The following COL4A3 variants were observed in gnomAD, a reference collection of about 807,000 sequenced individuals.
The protein encoded by COL4A3 is collagen alpha-3(IV) chain.
In COL4A3, 135 loss-of-function variants were observed where a neutral mutation model predicts 217.4. The ratio of observed to expected loss-of-function variants is 0.62; its 90% CI spans 0.54 to 0.72. The LOEUF (loss-of-function observed/expected upper bound fraction) is 0.72, where lower values mean the gene tolerates loss of function less well. COL4A3 is among the 30% of genes least tolerant of loss of function. The probability of loss-of-function intolerance (pLI) is 0.00; values close to 1 mark genes in which losing one functional copy is unlikely to be tolerated. For synonymous variants in COL4A3, 690 were observed against 736.3 expected (o/e 0.94, Z 1.02); for missense variants, 1,868 against 2,119.9 (o/e 0.88, Z 2.33).
Position 227,273,085 on chromosome 2 carries a change from T to C in COL4A3, c.1895T>C (p.Val632Ala), listed in dbSNP as rs762656208. ...GEPGLQGTQGVPGAPGPPGEA... is the reference protein window; with the variant it reads ...GEPGLQGTQGAPGAPGPPGEA... ...CCTGGTCTCCAGGGCACGCAAGGAG[T>C]TCCTGGAGCCCCCGGACCACCCGGA... is the stretch of plus-strand genomic sequence containing the variant. The change falls in exon 26 of 52, where the codon GTT (valine) becomes GCT (alanine). Residue 632 changes from valine to alanine, a missense_variant. Val to Ala is a moderately conservative substitution (Grantham distance 64). Transcript: ENST00000396578. The C allele has an allele frequency of 6.2e-7, 1 of 1,613,572 alleles. No individual in the cohort carries two copies. The highest frequency in any genetic ancestry group is 1.3e-5 in the African/African-American group (1 of 74,784).
intron 40 of COL4A3, 70 bp downstream of exon 40, chr2:227,295,132 C>A: frequency 6.6e-7 from 1 of 1,524,992 alleles, no homozygotes; most frequent in Non-Finnish European, 9.1e-7. Context: ...CAGTGTAATC[C>A]TTTGCTGCTC....
At chr2:227,177,750 C>A (rs2065730898) in intron 1 of COL4A3, among the ~76,000 whole-genome samples, 1 of 152,164 alleles carries the variant, frequency 6.6e-6, no homozygotes, top group Non-Finnish European at 1.5e-5. Flanking sequence ...CTGTGTCCCA[C>A]TGGGGCGTGA....
In COL4A3 at chr2:227,257,636, C is replaced by A. The variant is rs778166354; in HGVS notation, c.1021C>A (p.Arg341Ser). The stretch of plus-strand genomic sequence containing the variant: ...AGGGGACATTGGCCCTCCAGGATTT[C>A]GTGGTCCAGTAAGTGTGATTAAAGA... Reference protein sequence around the residue: ...QKGDIGPPGFRGPTEYYDTYQ... With the variant: ...QKGDIGPPGFSGPTEYYDTYQ... Residue 341 changes from arginine to serine, a missense_variant, in exon 18 of 52, where the codon CGT (arginine) becomes AGT (serine). Arg to Ser is a moderately radical substitution (Grantham distance 110). Around this residue, in one of 2 missense-constraint regions of COL4A3, gnomAD observed 1,503 missense variants for 1,786.1 expected, o/e 0.84. Coordinates refer to ENST00000396578, the MANE Select transcript of COL4A3 (RefSeq NM_000091.5). 6.2e-7 allele frequency: 1 copy of A among 1,613,646 alleles called. No homozygotes were observed. The highest frequency in any genetic ancestry group is 8.5e-7 in the Non-Finnish European group (1 of 1,179,590).
chr2:227,307,468 G>C (rs1283977325), intron 47 of COL4A3, among the ~76,000 whole-genome samples: 1 of 152,138 alleles, frequency 6.6e-6, no homozygotes, highest in Non-Finnish European at 1.5e-5. Flanking sequence ...GGAATTCAAA[G>C]ATAAAGACCT....
intron 21 of COL4A3, 33 bp from the exon 22 acceptor site, chr2:227,266,380 CAAAT>C (rs901076362): frequency 6.0e-6 from 9 of 1,494,112 alleles, no homozygotes; most frequent in Non-Finnish European, 6.5e-6. Flanking sequence ...GAAAAAAACA[CAAAT>C]AAAAAATTGT....
chr2:227,290,599 T>C (rs2072633259), intron 36 of COL4A3, 148 bp from the exon 37 acceptor site: 1 of 653,920 alleles, frequency 1.5e-6, no homozygotes, highest in Non-Finnish European at 2.6e-6. Flanking sequence ...ATTGATATTA[T>C]ATAATAATCA....
intron 37 of COL4A3, 97 bp downstream of exon 37, chr2:227,290,983 G>A (rs2072664405): frequency 5.9e-6 from 8 of 1,362,178 alleles, no homozygotes; most frequent in Non-Finnish European, 8.1e-6. Flanking sequence ...AGAGAAAATT[G>A]AAACTGTTAC....
At chr2:227,296,887 C>A (rs1445027365) in intron 41 of COL4A3, among the ~76,000 whole-genome samples, 1 of 152,216 alleles carries the variant, frequency 6.6e-6, no homozygotes, top group Non-Finnish European at 1.5e-5. Context: ...GCACATCTAT[C>A]TTCCGTTTTC....
At chr2:227,270,014 A>G (rs370949555) in intron 24 of COL4A3, 34 bp downstream of exon 24, 2 of 1,565,666 alleles carry the variant, frequency 1.3e-6, no homozygotes, top group African/African-American at 2.7e-5. Flanking sequence ...TTTAGCTTCA[A>G]TTTGACAAAT....
rs776170236 is a variant in COL4A3 at position 227,290,114 on chromosome 2, C to T, written c.3070+26C>T. ...GTAATGCATAAGGTCCTGTTATGAG[C>T]CCACAAGCTCATGATGGGTGAGGAC... On this transcript the variant is annotated intron_variant, in intron 36 of 51. Coordinates refer to ENST00000396578, the MANE Select transcript of COL4A3 (RefSeq NM_000091.5). 3.1e-6 allele frequency: 5 copies of T among 1,598,956 alleles called. 1 individual carries two copies. The South Asian group carries it at 5.5e-5, about 18-fold the overall frequency.
At chr2:227,213,040 T>G (rs887414178) in intron 1 of COL4A3, among the ~76,000 whole-genome samples, 3 of 152,340 alleles carry the variant, frequency 2.0e-5, no homozygotes, top group Middle Eastern at 3.4e-3. Context: ...AAACTTTGGT[T>G]TGACATTTAA....
At chr2:227,308,353 C>T (rs2073598894) in intron 48 of COL4A3, among the ~76,000 whole-genome samples, 1 of 152,170 alleles carries the variant, frequency 6.6e-6, no homozygotes, top group Non-Finnish European at 1.5e-5. Flanking sequence ...GCTGGGACTA[C>T]AGGCACACAC....
chr2:227,236,367 A>C (rs971192406), intron 1 of COL4A3, among the ~76,000 whole-genome samples: 10 of 152,228 alleles, frequency 6.6e-5, no homozygotes, highest in African/African-American at 2.4e-4. Context: ...GAATGACAGC[A>C]AGGCCTACTG....
intron 43 of COL4A3, among the ~76,000 whole-genome samples, chr2:227,300,016 C>A (rs1279710894): frequency 6.6e-6 from 1 of 152,186 alleles, no homozygotes; most frequent in Non-Finnish European, 1.5e-5. Flanking sequence ...ACTGCCATTT[C>A]TTTCCAATTA....
At position 227,164,769 on chromosome 2, in the gene COL4A3, C is replaced by T; in HGVS notation, c.43C>T (p.Pro15Ser). The T allele has an allele frequency of 6.6e-7, 1 of 1,522,910 alleles. No individual in the cohort carries two copies. Among genetic ancestry groups the T allele is most frequent in the South Asian group, 1.2e-5 (1 of 83,052 alleles). 94.3% of individuals were successfully genotyped at this position (1,522,910 alleles called of 1,614,324 possible). A position where few individuals can be genotyped will look rare whatever the true frequency, so the allele number is the denominator to read the frequency against. The change falls in exon 1 of 52, where the codon CCG becomes TCG. Residue 15 changes from proline to serine, a missense_variant. Coordinates refer to ENST00000396578, the MANE Select transcript of COL4A3 (RefSeq NM_000091.5). The surrounding 1 kb of genome is among the most constrained non-coding windows in gnomAD (Gnocchi z 4.8). ...CCCCAGGCCGCAGGTGCTCCTGCTG[C>T]CGCTCCTGCTGGTGCTCCTGGCGGC... Reference protein sequence around the residue: ...TAPRPQVLLLPLLLVLLAAAP... With the variant: ...TAPRPQVLLLSLLLVLLAAAP...
At chr2:227,284,089 C>T in intron 33 of COL4A3, 122 bp from the exon 34 acceptor site, 1 of 1,354,870 alleles carries the variant, frequency 7.4e-7, no homozygotes. Context: ...TTATCAAGTT[C>T]TCAGCACTGT....
At chr2:227,258,945 A>G (rs10167041) in intron 18 of COL4A3, among the ~76,000 whole-genome samples, 81,357 of 151,514 alleles carry the variant, frequency 0.54, 21,888 homozygotes, top group South Asian at 0.64. Flanking sequence ...TAACCACAAG[A>G]CTCTTGTTAA....
At chr2:227,165,878 C>T (rs2065248440) in intron 1 of COL4A3, among the ~76,000 whole-genome samples, 1 of 152,120 alleles carries the variant, frequency 6.6e-6, no homozygotes, top group Non-Finnish European at 1.5e-5. Flanking sequence ...CCCCATACCT[C>T]TCCCCATTTC....
chr2:227,263,676 G>A (rs1334756479), intron 20 of COL4A3, 104 bp from the exon 21 acceptor site: 2 of 1,206,424 alleles, frequency 1.7e-6, no homozygotes, highest in Non-Finnish European at 2.4e-6. Flanking sequence ...CCTCTCCATT[G>A]TGCAATTTTT....
Sources: allele counts gnomAD v4.1 joint callset (sites outside exome capture counted in the v4.1 genomes callset), GRCh38; gene constraint gnomAD v4.1.1; regional missense constraint gnomAD v4.1.1; non-coding constraint Gnocchi (gnomAD v3.1); transcripts MANE v1.5; gene names NCBI Gene and HGNC (gene_info 2026-07-23, HGNC 2026-07-21).